Variants in NFASC observed in about 807,000 individuals in gnomAD.
NFASC encodes neurofascin homolog.
Under a neutral mutation model 147.5 loss-of-function variants are expected in NFASC, and 43 were observed. The observed-to-expected ratio is 0.29, with a 90% CI of 0.23 to 0.38. The LOEUF is 0.38. NFASC is among the 10% of genes least tolerant of loss of function. NFASC has a pLI of 1.00. For synonymous variants in NFASC, 622 were observed against 665.5 expected (o/e 0.93, Z 1.01); for missense variants, 1,320 against 1,689.0 (o/e 0.78, Z 3.83).
chr1:204,933,743 A>G (rs1280035234), intron 2 of NFASC, among the ~76,000 whole-genome samples: 1 of 151,874 alleles, frequency 6.6e-6, no homozygotes, highest in East Asian at 1.9e-4. Flanking sequence ...GAAAGGAAGA[A>G]GCCAAAAAAA....
chr1:204,957,214 G>A (rs1369470496), intron 7 of NFASC, among the ~76,000 whole-genome samples: 1 of 152,228 alleles, frequency 6.6e-6, no homozygotes, highest in Non-Finnish European at 1.5e-5. Context: ...CGAGTCCTAA[G>A]ACAGGTGCTG....
intron 29 of NFASC, among the ~76,000 whole-genome samples, chr1:205,014,194 G>C (rs2096302592): frequency 6.6e-6 from 1 of 152,138 alleles, no homozygotes; most frequent in African/African-American, 2.4e-5. Flanking sequence ...TCCTGCCCCA[G>C]ACACCAAAGC....
At chr1:204,833,435 G>A (rs957886887) in intron 1 of NFASC, among the ~76,000 whole-genome samples, 4 of 151,986 alleles carry the variant, frequency 2.6e-5, no homozygotes, top group African/African-American at 7.2e-5. Context: ...CCCATATGTC[G>A]TACTGAGCCC....
chr1:204,930,162 T>G (rs1390563750), intron 2 of NFASC, among the ~76,000 whole-genome samples: 4 of 152,092 alleles, frequency 2.6e-5, no homozygotes, highest in Non-Finnish European at 5.9e-5. Context: ...CTGCCTGGGG[T>G]GTCTGAATCC....
chr1:204,884,045 A>C (rs1407369338), intron 1 of NFASC, among the ~76,000 whole-genome samples: 1 of 152,120 alleles, frequency 6.6e-6, no homozygotes, highest in Non-Finnish European at 1.5e-5. Flanking sequence ...TCTCACACAG[A>C]AGTATTAAGT....
chr1:205,006,853 T>C (rs572467134), intron 27 of NFASC, among the ~76,000 whole-genome samples: 2 of 152,266 alleles, frequency 1.3e-5, no homozygotes, highest in East Asian at 3.9e-4. Flanking sequence ...TTCAAGCGCA[T>C]GCATCCAAGG....
chr1:204,962,008 C>A, intron 8 of NFASC: 1 of 870,228 alleles, frequency 1.1e-6, no homozygotes, highest in Non-Finnish European at 1.9e-6. Context: ...CTGCCCTCCT[C>A]AGTTGTTTTT....
At position 204,877,028 on chromosome 1, in the gene NFASC, AATATATATT is replaced by A. The variant is rs1483928753; in HGVS notation, c.-199-43603_-199-43595del. On this transcript the variant is annotated intron_variant, in intron 1 of 29. Coordinates refer to ENST00000339876, the MANE Select transcript of NFASC (RefSeq NM_001005388.3). ...TATATATATATATATATATATATAT[AATATATATT>A]TATATATATATAATATATTTATTTA... is the stretch of plus-strand genomic sequence containing the variant. Among the ~76,000 whole-genome samples, 2,445 of 84,092 alleles carry A rather than the reference AATATATATT, an allele frequency of 0.029. 220 individuals are homozygous for A. In the East Asian group the frequency reaches 0.32, roughly 11 times the overall value. 55.2% of individuals were successfully genotyped at this position (84,092 alleles called of 152,430 possible). A position where few individuals can be genotyped will look rare whatever the true frequency, so the allele number is the denominator to read the frequency against.
At chr1:204,934,154 A>AAC (rs397982713) in intron 2 of NFASC, among the ~76,000 whole-genome samples, 2 of 151,160 alleles carry the variant, frequency 1.3e-5, no homozygotes, top group African/African-American at 4.9e-5. Flanking sequence ...AAAAAAAAAA[A>AAC]CAGATGAGAG....
In NFASC at chr1:205,016,380, C is replaced by T. The variant is rs765412087; in HGVS notation, c.3564C>T (p.Asp1188=). The change falls in exon 30 of 30, where the codon GAC becomes GAT. Residue 1188 remains aspartate, a synonymous_variant. Coordinates refer to ENST00000339876, the MANE Select transcript of NFASC (RefSeq NM_001005388.3). This position sits in a 1 kb window ranked among gnomAD's most constrained non-coding sequence, Gnocchi z 5.1. The stretch of plus-strand genomic sequence containing the variant: ...GCACCATCAAGCAGCAGGAGAGTGA[C>T]GACAGCCTGGTGGACTATGGCGAGG... ...LDGTIKQQES[D]DSLVDYGEGG... is the part of the protein sequence containing the mutation. The T allele has an allele frequency of 4.2e-5, 67 of 1,613,886 alleles. No homozygotes were observed. The highest frequency in any genetic ancestry group is 2.0e-4 in the East Asian group (9 of 44,860).
Position 205,016,278 on chromosome 1 carries a change from A to C in NFASC, c.3492-30A>C, listed in dbSNP as rs758531933. On this transcript the variant is annotated intron_variant, in intron 29 of 29. Coordinates refer to ENST00000339876, the MANE Select transcript of NFASC (RefSeq NM_001005388.3). The surrounding 1 kb of genome is among the most constrained non-coding windows in gnomAD (Gnocchi z 5.1). ...GAGGCCAGCTGCCCCATCTCACCCCACCTGAGATTCTCTGTCTCTCTTTGG... is the reference window on the plus strand; with the variant it reads ...GAGGCCAGCTGCCCCATCTCACCCCCCCTGAGATTCTCTGTCTCTCTTTGG... 2 of 1,507,988 alleles carry C rather than the reference A, an allele frequency of 1.3e-6. No individual in the cohort carries two copies. The highest frequency in any genetic ancestry group is 1.8e-6 in the Non-Finnish European group (2 of 1,083,832). The allele number at this position is 1,507,988 out of a possible 1,614,324, so 93.4% of individuals were successfully genotyped here.
intron 26 of NFASC, 119 bp from the exon 27 acceptor site, chr1:205,002,477 C>T (rs189307801): frequency 3.9e-5 from 30 of 767,792 alleles, no homozygotes; most frequent in African/African-American, 1.1e-4. Flanking sequence ...GGACTGGACC[C>T]GCGGTTCCCT....
In NFASC at chr1:204,917,114, G is replaced by T. The variant is rs115413176; in HGVS notation, c.-199-3518G>T. 7.1e-3 allele frequency among the ~76,000 whole-genome samples: 1,087 copies of T among 152,296 alleles called. 17 individuals carry two copies. The highest frequency in any genetic ancestry group is 0.025 in the African/African-American group (1,049 of 41,554). On this transcript the variant is annotated intron_variant, in intron 1 of 29. Transcript: ENST00000339876. Reference sequence around the variant, plus strand: ...TACCTATGGGCCCAGCTACTTGGGAGGCTGAAGTGGGAGGATCACTTAAGT... The same window carrying T: ...TACCTATGGGCCCAGCTACTTGGGATGCTGAAGTGGGAGGATCACTTAAGT...
intron 3 of NFASC, chr1:204,947,078 A>T (rs2093798065): frequency 3.1e-6 from 1 of 325,074 alleles, no homozygotes; most frequent in African/African-American, 2.2e-5. Flanking sequence ...CCACTACCAA[A>T]AGAAACAGCA....
chr1:204,877,754 A>G (rs890670461), intron 1 of NFASC, among the ~76,000 whole-genome samples: 3 of 152,136 alleles, frequency 2.0e-5, no homozygotes, highest in Admixed American at 6.5e-5. Context: ...GTTGTGAGTA[A>G]CGCTGTCATA....
At chr1:204,847,354 C>G (rs1351267200) in intron 1 of NFASC, among the ~76,000 whole-genome samples, 1 of 152,192 alleles carries the variant, frequency 6.6e-6, no homozygotes, top group African/African-American at 2.4e-5. Flanking sequence ...GCCCTGTTTT[C>G]CAGGCAAGAA....
At chr1:204,970,078 A>T (rs2095174361) in intron 10 of NFASC, among the ~76,000 whole-genome samples, 2 of 148,248 alleles carry the variant, frequency 1.3e-5, no homozygotes, top group Admixed American at 1.3e-4. Context: ...CCATCTCAAA[A>T]AAAAAAAAAA....
At chr1:204,854,403 A>C (rs996444996) in intron 1 of NFASC, among the ~76,000 whole-genome samples, 2 of 152,164 alleles carry the variant, frequency 1.3e-5, no homozygotes, top group Non-Finnish European at 2.9e-5. Context: ...TGACCTGGGA[A>C]ATCCTCTAAG....
chr1:204,859,969 A>G (rs1263704630), intron 1 of NFASC, among the ~76,000 whole-genome samples: 3 of 152,168 alleles, frequency 2.0e-5, no homozygotes, highest in Non-Finnish European at 1.5e-5. Flanking sequence ...GGGTGCAGAT[A>G]TAGCCGTGGA....
Sources: gnomAD v4.1 joint callset for allele counts (sites outside exome capture counted in the v4.1 genomes callset) on GRCh38, gnomAD v4.1.1 for gene constraint, Gnocchi (gnomAD v3.1) non-coding constraint, MANE v1.5 for transcripts, NCBI Gene and HGNC (gene_info 2026-07-23, HGNC 2026-07-21) for gene names.